Variants in GABPA observed in about 807,000 individuals in gnomAD.
GABPA encodes the protein GA binding protein transcription factor subunit alpha.
GABPA carries 4 observed loss-of-function variants against 59.4 expected under a neutral mutation model. That is an observed-to-expected ratio of 0.07 (90% confidence interval 0.03 to 0.15). GABPA has a LOEUF of 0.15. GABPA is among the 10% of genes least tolerant of loss of function. The pLI is 1.00. For synonymous variants in GABPA, 164 were observed against 183.1 expected, an observed-to-expected ratio of 0.90 and a Z score of 0.84; for missense variants, 251 against 543.8, an observed-to-expected ratio of 0.46 and a Z score of 5.36.
intron 2 of GABPA, among the ~76,000 whole-genome samples, chr21:25,744,176 T>C (rs2035301590): frequency 6.6e-6 from 1 of 151,602 alleles, no homozygotes; most frequent in African/African-American, 2.4e-5. Context: ...TTTTTAATCA[T>C]GAGGGTTCTA....
intron 2 of GABPA, among the ~76,000 whole-genome samples, chr21:25,744,657 G>A (rs992415253): frequency 6.6e-6 from 1 of 152,010 alleles, no homozygotes. Flanking sequence ...ATATGAAAGA[G>A]CACTAAGACA....
chr21:25,740,096 T>G (rs2035181335), intron 1 of GABPA, among the ~76,000 whole-genome samples: 1 of 152,192 alleles, frequency 6.6e-6, no homozygotes, highest in Non-Finnish European at 1.5e-5. Flanking sequence ...TGGACAACCA[T>G]GGTTCATCCC....
At chr21:25,755,034 A>C (rs866452379) in intron 5 of GABPA, among the ~76,000 whole-genome samples, 8 of 152,142 alleles carry the variant, frequency 5.3e-5, no homozygotes, top group African/African-American at 1.9e-4. Context: ...CTGGGCAACA[A>C]AGTGAGACTC....
chr21:25,757,994 A>T lies in GABPA; in HGVS notation c.554-16A>T. 1 of 1,524,084 alleles carries T rather than the reference A, an allele frequency of 6.6e-7. No homozygotes were observed. Among genetic ancestry groups the T allele is most frequent in the Non-Finnish European group, 8.8e-7 (1 of 1,133,566 alleles). The allele number at this position is 1,524,084 out of a possible 1,614,324, so 94.4% of individuals were successfully genotyped here. Reference sequence around the variant, plus strand: ...CTAAAATGGAACTAGGCTAAAGTGAATATTTTTCTTTCTAGATCCCATACA... The same window carrying T: ...CTAAAATGGAACTAGGCTAAAGTGATTATTTTTCTTTCTAGATCCCATACA... On this transcript the variant is annotated splice_polypyrimidine_tract_variant and intron_variant, in intron 5 of 9. Coordinates refer to ENST00000400075, the MANE Select transcript of GABPA (RefSeq NM_002040.4).
chr21:25,748,273 A>G (rs2035418500), intron 3 of GABPA, among the ~76,000 whole-genome samples: 1 of 152,196 alleles, frequency 6.6e-6, no homozygotes, highest in African/African-American at 2.4e-5. Context: ...TTGTGCCATG[A>G]CGACACCATC....
At chr21:25,750,637 A>G (rs1411172874) in intron 4 of GABPA, among the ~76,000 whole-genome samples, 1 of 152,240 alleles carries the variant, frequency 6.6e-6, no homozygotes, top group Non-Finnish European at 1.5e-5. Context: ...ATCTCTGAAC[A>G]TATATTGTTC....
At chr21:25,746,009 C>CTTTT (rs11311476) in intron 3 of GABPA, among the ~76,000 whole-genome samples, 1 of 148,410 alleles carries the variant, frequency 6.7e-6, no homozygotes, top group African/African-American at 2.5e-5. Context: ...GAGTTTTATA[C>CTTTT]TTTTTTTTTT....
At chr21:25,760,738 C>T (rs1224885141) in intron 6 of GABPA, among the ~76,000 whole-genome samples, 1 of 152,132 alleles carries the variant, frequency 6.6e-6, no homozygotes, top group African/African-American at 2.4e-5. Flanking sequence ...TCCATATCCC[C>T]CAGGGCTTTG....
intron 9 of GABPA, 88 bp from the exon 10 acceptor site, chr21:25,768,916 T>C: frequency 1.2e-6 from 1 of 816,456 alleles, no homozygotes; most frequent in Non-Finnish European, 2.0e-6. Context: ...AGTACTCTAC[T>C]AGGCTTCTGC....
intron 1 of GABPA, among the ~76,000 whole-genome samples, chr21:25,736,853 C>T (rs1420847357): frequency 6.6e-6 from 1 of 152,122 alleles, no homozygotes; most frequent in Non-Finnish European, 1.5e-5. Context: ...TAACTGCTAC[C>T]TTTATTTTTG....
chr21:25,754,652 A>G (rs1474533817), intron 5 of GABPA, among the ~76,000 whole-genome samples: 1 of 152,050 alleles, frequency 6.6e-6, no homozygotes, highest in Non-Finnish European at 1.5e-5. Flanking sequence ...TTACCGTGGT[A>G]TATCTGTTTC....
chr21:25,761,650 G>A (rs2035768901), intron 6 of GABPA, among the ~76,000 whole-genome samples: 1 of 152,174 alleles, frequency 6.6e-6, no homozygotes, highest in African/African-American at 2.4e-5. Flanking sequence ...ACTGGGATGT[G>A]CAATTCTTGT....
At chr21:25,741,728 A>G in intron 2 of GABPA, 53 bp downstream of exon 2, 1 of 1,131,810 alleles carries the variant, frequency 8.8e-7, no homozygotes. Flanking sequence ...ATACCTAATT[A>G]AAACCAGGAA....
At position 25,770,269 on chromosome 21, in the gene GABPA, A is replaced by T. The variant is rs1045476535; in HGVS notation, c.*1037A>T. The T allele has an allele frequency of 6.6e-6, 1 of 152,122 alleles. No individual in the cohort carries two copies. The highest frequency in any genetic ancestry group is 1.5e-5 in the Non-Finnish European group (1 of 67,972). The allele number at this position is 152,122 out of a possible 1,614,324, so 9.4% of individuals were successfully genotyped here. On this transcript the variant is annotated 3_prime_UTR_variant, in exon 10 of 10. Coordinates refer to ENST00000400075, the MANE Select transcript of GABPA (RefSeq NM_002040.4). ...TATAGGCAGTCTTCTCTTTAAGACA[A>T]TACTTTTCCACTTGTTTTCCTTTTC...
intron 5 of GABPA, among the ~76,000 whole-genome samples, chr21:25,753,671 C>T (rs2035567073): frequency 6.6e-6 from 1 of 151,886 alleles, no homozygotes; most frequent in Admixed American, 6.6e-5. Context: ...GTTGGCGAGA[C>T]AAAACAGAAT....
At chr21:25,735,730 A>C (rs1285406103) in intron 1 of GABPA, 152 bp downstream of exon 1, 1 of 129,292 alleles carries the variant, frequency 7.7e-6, no homozygotes, top group Non-Finnish European at 1.6e-5. Flanking sequence ...CCGTTCGTGG[A>C]GACTTGAGGG....
At chr21:25,752,643 G>T (rs1046499387) in intron 5 of GABPA, among the ~76,000 whole-genome samples, 3 of 152,198 alleles carry the variant, frequency 2.0e-5, no homozygotes, top group Non-Finnish European at 2.9e-5. Context: ...CCATTGGGCA[G>T]AGAAAGACAT....
At chr21:25,736,745 A>T (rs1328616575) in intron 1 of GABPA, among the ~76,000 whole-genome samples, 2 of 152,236 alleles carry the variant, frequency 1.3e-5, no homozygotes, top group Non-Finnish European at 2.9e-5. Context: ...TGCAGTGAAC[A>T]CGCAGATACC....
At chr21:25,767,204 A>G (rs961994453) in intron 9 of GABPA, among the ~76,000 whole-genome samples, 6 of 151,968 alleles carry the variant, frequency 3.9e-5, no homozygotes, top group Admixed American at 3.3e-4. Flanking sequence ...GGGAGGGGAC[A>G]TAAAGGGGAT....
Sources: allele counts gnomAD v4.1 joint callset (sites outside exome capture counted in the v4.1 genomes callset), GRCh38; gene constraint gnomAD v4.1.1; transcripts MANE v1.5; gene names NCBI Gene and HGNC (gene_info 2026-07-23, HGNC 2026-07-21).